Variants in CRAMP1 observed in about 807,000 individuals in gnomAD.
CRAMP1 encodes cramped chromatin regulator 1, also known as protein cramped-like.
In CRAMP1, 50 loss-of-function variants were observed where a neutral mutation model predicts 115.4. The ratio of observed to expected loss-of-function variants is 0.43; its 90% CI spans 0.35 to 0.55. The LOEUF (loss-of-function observed/expected upper bound fraction) is 0.55. CRAMP1 is among the 20% of genes least tolerant of loss of function. The pLI is 0.01. For synonymous variants in CRAMP1, 866 were observed against 745.4 expected (o/e 1.16, Z -2.64); for missense variants, 1,679 against 1,721.7 (o/e 0.98, Z 0.44).
chr16:1,654,664 C>T (rs1050367598), intron 8 of CRAMP1, among the ~76,000 whole-genome samples: 4 of 152,162 alleles, frequency 2.6e-5, no homozygotes, highest in African/African-American at 7.2e-5. Flanking sequence ...CCATTCTCAC[C>T]CTCCCACGGC....
At chr16:1,632,763 C>T (rs368969616) in intron 4 of CRAMP1, among the ~76,000 whole-genome samples, 11 of 152,320 alleles carry the variant, frequency 7.2e-5, no homozygotes, top group Admixed American at 2.0e-4. Flanking sequence ...TCCTGGGGGA[C>T]GGCCAGCCTT....
chr16:1,655,985 C>A lies in CRAMP1; in HGVS notation c.1228C>A (p.Pro410Thr). The part of the protein sequence containing the change: ...PGENCTLTPL[P>T]GVARVVHSKA... The stretch of plus-strand genomic sequence containing the variant: ...CGAGAACTGTACACTGACACCGCTG[C>A]CGGGCGTGGCTCGCGTGGTGCACTC... The change falls in exon 10 of 21, where the codon CCG becomes ACG. Residue 410 changes from proline to threonine, a missense_variant. Transcript: ENST00000397412. 6.2e-7 allele frequency: 1 copy of A among 1,613,042 alleles called. No individual in the cohort carries two copies. Among genetic ancestry groups the A allele is most frequent in the Non-Finnish European group, 8.5e-7 (1 of 1,179,880 alleles).
At chr16:1,665,283 A>G in intron 14 of CRAMP1, 145 bp downstream of exon 14, 1 of 673,308 alleles carries the variant, frequency 1.5e-6, no homozygotes, top group Non-Finnish European at 2.7e-6. Flanking sequence ...AATGTGCCCT[A>G]TGTGCTGGGC....
chr16:1,657,688 C>G (rs1439855550), intron 10 of CRAMP1, among the ~76,000 whole-genome samples: 1 of 152,150 alleles, frequency 6.6e-6, no homozygotes, highest in Admixed American at 6.5e-5. Context: ...GGTCCCTTAC[C>G]ACAGGGAGGC....
At chr16:1,636,047 A>G (rs545601047) in intron 4 of CRAMP1, among the ~76,000 whole-genome samples, 3 of 152,266 alleles carry the variant, frequency 2.0e-5, no homozygotes, top group African/African-American at 7.2e-5. Flanking sequence ...AGTGGATCTT[A>G]AAGCTTTCCG....
At chr16:1,661,519 T>C (rs1186639053) in intron 11 of CRAMP1, among the ~76,000 whole-genome samples, 1 of 143,586 alleles carries the variant, frequency 7.0e-6, no homozygotes, top group African/African-American at 2.6e-5. Context: ...GGGTGAGGGG[T>C]CCTGGCCTCC....
rs1409343107 is a variant in CRAMP1 at position 1,612,525 on chromosome 16, C to T, written c.-134C>T. The T allele has an allele frequency of 6.6e-6, 1 of 151,940 alleles. No individual in the cohort carries two copies. The highest frequency in any genetic ancestry group is 6.6e-5 in the Admixed American group (1 of 15,240). The allele number at this position is 151,940 out of a possible 1,614,324, so 9.4% of individuals were successfully genotyped here. A position where few individuals can be genotyped will look rare whatever the true frequency, so the allele number is the denominator to read the frequency against. On this transcript the variant is annotated 5_prime_UTR_variant, in exon 1 of 21. Coordinates refer to ENST00000397412, the MANE Select transcript of CRAMP1 (RefSeq NM_020825.4). The stretch of plus-strand genomic sequence containing the variant: ...GCCGCTCGACCAGTCGCTTCCGAGG[C>T]GGACGACCAGCCCGGCGTTGCGGCC...
intron 6 of CRAMP1, among the ~76,000 whole-genome samples, chr16:1,641,641 C>A (rs897764737): frequency 3.3e-5 from 5 of 152,196 alleles, no homozygotes; most frequent in Non-Finnish European, 7.3e-5. Context: ...GCTCTCCTCC[C>A]CTCACACACC....
intron 5 of CRAMP1, among the ~76,000 whole-genome samples, chr16:1,638,504 C>T (rs947797688): frequency 3.3e-5 from 5 of 152,292 alleles, no homozygotes; most frequent in African/African-American, 9.6e-5. Flanking sequence ...GGATTTGTTC[C>T]GATCGTCTCC....
chr16:1,670,123 G>C (rs1482176793), intron 19 of CRAMP1, among the ~76,000 whole-genome samples: 1 of 151,860 alleles, frequency 6.6e-6, no homozygotes, highest in Non-Finnish European at 1.5e-5. Context: ...AAACTAGCCA[G>C]GTGTGGGGGG....
chr16:1,665,158 C>T lies in CRAMP1; in HGVS notation c.2752+20C>T. 1 of 1,531,938 alleles carries T rather than the reference C, an allele frequency of 6.5e-7. No individual in the cohort carries two copies. The highest frequency in any genetic ancestry group is 9.0e-7 in the Non-Finnish European group (1 of 1,105,132). The allele number at this position is 1,531,938 out of a possible 1,614,324, so 94.9% of individuals were successfully genotyped here. On this transcript the variant is annotated intron_variant, in intron 14 of 20. Transcript: ENST00000397412. ...TAACTGGTAAGGACCCTGAGCTTTT[C>T]TGGGGTAGCTTGTCCCTCCTCCTCA...
At chr16:1,644,186 C>T (rs969889775) in intron 6 of CRAMP1, among the ~76,000 whole-genome samples, 1 of 152,164 alleles carries the variant, frequency 6.6e-6, no homozygotes, top group African/African-American at 2.4e-5. Context: ...GGGACTTGGC[C>T]GTTCTCACCT....
intron 3 of CRAMP1, among the ~76,000 whole-genome samples, chr16:1,627,540 C>G (rs910357822): frequency 1.1e-4 from 17 of 152,174 alleles, no homozygotes; most frequent in African/African-American, 4.1e-4. Context: ...AAAGGAGACA[C>G]TCGTAAATGT....
intron 4 of CRAMP1, among the ~76,000 whole-genome samples, chr16:1,632,728 C>T (rs2036557085): frequency 6.6e-6 from 1 of 152,254 alleles, no homozygotes; most frequent in South Asian, 2.1e-4. Context: ...GCTTGGGCCG[C>T]AGGCACCGTG....
chr16:1,647,986 A>G (rs1413423503), intron 6 of CRAMP1, among the ~76,000 whole-genome samples: 1 of 152,114 alleles, frequency 6.6e-6, no homozygotes, highest in African/African-American at 2.4e-5. Flanking sequence ...GCACTTGAAC[A>G]TGGCTTTTCA....
intron 4 of CRAMP1, among the ~76,000 whole-genome samples, chr16:1,635,226 G>A (rs907886538): frequency 6.6e-6 from 1 of 151,928 alleles, no homozygotes; most frequent in African/African-American, 2.4e-5. Context: ...AGAGCACACC[G>A]TGTGCACTTT....
rs1243166062 is a variant in CRAMP1, at chr16:1,667,402, T to A, written c.3102+2T>A. The A allele has an allele frequency of 6.2e-7, 1 of 1,611,546 alleles. No homozygotes were observed. The highest frequency in any genetic ancestry group is 1.7e-5 in the Admixed American group (1 of 60,002). On this transcript the variant is annotated splice_donor_variant, in intron 17 of 20. Coordinates refer to ENST00000397412, the MANE Select transcript of CRAMP1 (RefSeq NM_020825.4). LOFTEE classifies it high-confidence loss of function. Reference sequence around the variant, plus strand: ...GAGCCAGTGGCAGACAGTTTCCAGGTAGAGTGTGCTCTTGGGCTGCTGAGC... The same window carrying A: ...GAGCCAGTGGCAGACAGTTTCCAGGAAGAGTGTGCTCTTGGGCTGCTGAGC...
chr16:1,656,575 G>A lies in CRAMP1; in HGVS notation c.1818G>A (p.Glu606=), dbSNP rs775767622. Reference sequence around the variant, plus strand: ...AGGTGCTGGCTCCTGTCAGCAAGGAGGCTGCTGACCTTGCTCCCACTGGCC... The same window carrying A: ...AGGTGCTGGCTCCTGTCAGCAAGGAAGCTGCTGACCTTGCTCCCACTGGCC... ...SPEVLAPVSK[E]AADLAPTGPS... is the part of the protein sequence containing the mutation. Residue 606 remains glutamate, a synonymous_variant, in exon 10 of 21, where the codon GAG becomes GAA. Transcript: ENST00000397412. The surrounding 1 kb of genome is among the most constrained non-coding windows in gnomAD (Gnocchi z 5.6). The A allele has an allele frequency of 7.7e-6, 12 of 1,559,536 alleles. No individual in the cohort carries two copies. Among genetic ancestry groups the A allele is most frequent in the Non-Finnish European group, 1.0e-5 (12 of 1,152,236 alleles).
Position 1,676,562 on chromosome 16 carries a change from C to G in CRAMP1, c.*2517C>G, listed in dbSNP as rs977122147. The G allele has an allele frequency of 2.0e-5, 3 of 152,196 alleles. No individual in the cohort carries two copies. Among genetic ancestry groups the G allele is most frequent in the African/African-American group, 4.8e-5 (2 of 41,438 alleles). The allele number at this position is 152,196 out of a possible 1,614,324, so 9.4% of individuals were successfully genotyped here. On this transcript the variant is annotated 3_prime_UTR_variant, in exon 21 of 21. Transcript: ENST00000397412. ...CTGCCTTTCCAACAGAAGCGGTGATCGTCTAAGTATGAGCCTGTGGCTTCC... is the reference window on the plus strand; with the variant it reads ...CTGCCTTTCCAACAGAAGCGGTGATGGTCTAAGTATGAGCCTGTGGCTTCC...
Sources: allele counts gnomAD v4.1 joint callset (sites outside exome capture counted in the v4.1 genomes callset), GRCh38; gene constraint gnomAD v4.1.1; non-coding constraint Gnocchi (gnomAD v3.1); transcripts MANE v1.5; gene names NCBI Gene and HGNC (gene_info 2026-07-23, HGNC 2026-07-21).